FANCC: variants seen among roughly 807,000 people sequenced by gnomAD.
FANCC encodes the protein FA complementation group C.
FANCC carries 55 observed loss-of-function variants against 71.3 expected under a neutral mutation model. The observed-to-expected ratio is 0.77, with a 90% CI of 0.62 to 0.97. The LOEUF is 0.97. Ranked by LOEUF, FANCC falls within the 50% of genes least tolerant of loss-of-function variation. The pLI, the probability that FANCC is intolerant of heterozygous loss-of-function variation, is 0.00. For synonymous variants in FANCC, 275 were observed against 244.9 expected (o/e 1.12, Z -1.15); for missense variants, 678 against 670.9 (o/e 1.01, Z -0.12).
At chr9:95,101,985 C>G in intron 14 of FANCC, 135 bp from the exon 15 acceptor site, 1 of 1,000,074 alleles carries the variant, frequency 1.0e-6, no homozygotes, top group South Asian at 1.4e-5. Flanking sequence ...CAAAGTAAAG[C>G]ATCAGGGGCT....
intron 6 of FANCC, among the ~76,000 whole-genome samples, chr9:95,153,222 C>T (rs1010794328): frequency 1.3e-5 from 2 of 152,116 alleles, no homozygotes; most frequent in Admixed American, 6.5e-5. Flanking sequence ...TGTATATATA[C>T]CATATTTTCT....
chr9:95,171,235 G>T, intron 5 of FANCC, 92 bp from the exon 6 acceptor site: 2 of 947,396 alleles, frequency 2.1e-6, no homozygotes, highest in Non-Finnish European at 3.4e-6. Context: ...TTTCCGTTGA[G>T]ATTCCCCCAA....
At chr9:95,173,182 T>C (rs1004231467) in intron 4 of FANCC, among the ~76,000 whole-genome samples, 3 of 152,176 alleles carry the variant, frequency 2.0e-5, no homozygotes, top group Non-Finnish European at 2.9e-5. Flanking sequence ...AGCTAAGCTG[T>C]ATGGGGTTCT....
At chr9:95,102,287 G>T (rs2071122835) in intron 14 of FANCC, among the ~76,000 whole-genome samples, 1 of 152,214 alleles carries the variant, frequency 6.6e-6, no homozygotes, top group Non-Finnish European at 1.5e-5. Context: ...TGTTTTCACA[G>T]AAACAGCCCC....
At chr9:95,138,199 T>G (rs1010569367) in intron 7 of FANCC, among the ~76,000 whole-genome samples, 1 of 152,308 alleles carries the variant, frequency 6.6e-6, no homozygotes, top group South Asian at 2.1e-4. Flanking sequence ...CTGGTAACAC[T>G]TGAAGCCAGG....
chr9:95,157,409 G>A (rs1393973613), intron 6 of FANCC, among the ~76,000 whole-genome samples: 2 of 152,194 alleles, frequency 1.3e-5, no homozygotes, highest in African/African-American at 4.8e-5. Flanking sequence ...GTGACAGAAT[G>A]TTTAAATTCT....
intron 13 of FANCC, 174 bp from the exon 14 acceptor site, chr9:95,107,443 C>A: frequency 1.4e-6 from 1 of 692,600 alleles, no homozygotes; most frequent in Non-Finnish European, 2.5e-6. Context: ...CCCAAATGGG[C>A]GGAATGGAAA....
chr9:95,183,165 T>C (rs1254294048), intron 4 of FANCC, among the ~76,000 whole-genome samples: 3 of 152,180 alleles, frequency 2.0e-5, no homozygotes, highest in Non-Finnish European at 4.4e-5. Flanking sequence ...GCCAAAATCA[T>C]ACCCATCTTT....
At chr9:95,117,942 G>A (rs1163520426) in intron 10 of FANCC, among the ~76,000 whole-genome samples, 11 of 152,072 alleles carry the variant, frequency 7.2e-5, no homozygotes, top group Non-Finnish European at 1.5e-4. Flanking sequence ...GGCTGGTCTC[G>A]AACTCCCGAC....
chr9:95,260,860 G>T (rs574884377), intron 1 of FANCC, among the ~76,000 whole-genome samples: 1 of 152,230 alleles, frequency 6.6e-6, no homozygotes, highest in Admixed American at 6.5e-5. Flanking sequence ...CTGTTTGTTT[G>T]TTTTTTTAAC....
intron 4 of FANCC, among the ~76,000 whole-genome samples, chr9:95,194,167 G>A (rs756746485): frequency 8.5e-5 from 13 of 152,052 alleles, no homozygotes; most frequent in Non-Finnish European, 1.8e-4. Flanking sequence ...ATTAAATTTC[G>A]TATATTTTTG....
intron 10 of FANCC, among the ~76,000 whole-genome samples, chr9:95,120,432 T>A (rs2072783206): frequency 6.6e-6 from 1 of 150,974 alleles, no homozygotes; most frequent in Admixed American, 6.6e-5. Flanking sequence ...TTTTTTTTTT[T>A]AAGACAGCAT....
At chr9:95,223,858 T>C (rs886363115) in intron 4 of FANCC, among the ~76,000 whole-genome samples, 1 of 152,098 alleles carries the variant, frequency 6.6e-6, no homozygotes, top group African/African-American at 2.4e-5. Flanking sequence ...ATGCCTGTAA[T>C]CCCAGCTACT....
chr9:95,183,717 T>C (rs1054612962), intron 4 of FANCC, among the ~76,000 whole-genome samples: 1 of 152,194 alleles, frequency 6.6e-6, no homozygotes, highest in African/African-American at 2.4e-5. Context: ...CCACTCAGCT[T>C]GCAGTAACCT....
At chr9:95,294,679 A>G in intron 1 of FANCC, 1 of 1,593,806 alleles carries the variant, frequency 6.3e-7, no homozygotes. Context: ...CTTGTTCTTC[A>G]CCAACAACGA....
At chr9:95,111,861 A>G (rs906319648) in intron 12 of FANCC, among the ~76,000 whole-genome samples, 5 of 152,200 alleles carry the variant, frequency 3.3e-5, no homozygotes, top group Non-Finnish European at 7.3e-5. Flanking sequence ...GTGAGGCCTG[A>G]GGCCTTTGGA....
At chr9:95,313,194 G>C (rs1588456157) in intron 1 of FANCC, among the ~76,000 whole-genome samples, 1 of 152,196 alleles carries the variant, frequency 6.6e-6, no homozygotes, top group African/African-American at 2.4e-5. Flanking sequence ...AAGCACGGGA[G>C]CCAGCGTTGG....
At chr9:95,310,982 C>A (rs534054037) in intron 1 of FANCC, among the ~76,000 whole-genome samples, 1 of 152,248 alleles carries the variant, frequency 6.6e-6, no homozygotes, top group Admixed American at 6.5e-5. Flanking sequence ...CGGTGGCTCA[C>A]GCCTGTAATC....
chr9:95,247,198 TG>T (rs1759273622), intron 3 of FANCC, among the ~76,000 whole-genome samples: 1 of 146,564 alleles, frequency 6.8e-6, no homozygotes, highest in Non-Finnish European at 1.5e-5. Flanking sequence ...AAGATCTGCA[TG>T]GGTGCGTGCA....
Sources: gnomAD v4.1 joint callset for allele counts (sites outside exome capture counted in the v4.1 genomes callset) on GRCh38, gnomAD v4.1.1 for gene constraint, MANE v1.5 for transcripts, NCBI Gene and HGNC (gene_info 2026-07-23, HGNC 2026-07-21) for gene names.